DNAJC1: variants seen among roughly 807,000 people sequenced by gnomAD.
DNAJC1 encodes the protein dnaJ homolog subfamily C member 1.
Under a neutral mutation model 76.6 loss-of-function variants are expected in DNAJC1, and 58 were observed. The observed-to-expected ratio is 0.76, with a 90% CI of 0.61 to 0.94. The LOEUF (loss-of-function observed/expected upper bound fraction) is 0.94. DNAJC1 is among the 40% of genes least tolerant of loss of function. The pLI is 0.00. For missense variants in DNAJC1, 689 were observed against 677.3 expected (o/e 1.02, Z -0.19); for synonymous variants, 258 against 267.9 (o/e 0.96, Z 0.36).
intron 11 of DNAJC1, among the ~76,000 whole-genome samples, chr10:21,757,369 G>C (rs1215886110): frequency 6.6e-6 from 1 of 152,200 alleles, no homozygotes; most frequent in African/African-American, 2.4e-5. Flanking sequence ...TGATGGTGGG[G>C]AGAGGCCTCA....
chr10:21,930,958 T>C (rs1837212053), intron 1 of DNAJC1, among the ~76,000 whole-genome samples: 1 of 152,218 alleles, frequency 6.6e-6, no homozygotes, highest in African/African-American at 2.4e-5. Flanking sequence ...AATTAATACA[T>C]GTTCACTACA....
At chr10:21,786,455 TATATATATAG>T (rs1253560385) in intron 9 of DNAJC1, among the ~76,000 whole-genome samples, 188 of 56,888 alleles carry the variant, frequency 3.3e-3, no homozygotes, top group Admixed American at 6.4e-3. Flanking sequence ...TATATATATA[TATATATATAG>T]AGAGAGAGAG....
intron 8 of DNAJC1, among the ~76,000 whole-genome samples, chr10:21,854,746 C>A (rs1040588670): frequency 6.6e-6 from 1 of 152,106 alleles, no homozygotes; most frequent in South Asian, 2.1e-4. Flanking sequence ...TTATAAGATA[C>A]ACTTATAATT....
chr10:21,881,680 T>TCACTG (rs910571823), intron 8 of DNAJC1, among the ~76,000 whole-genome samples: 12 of 151,428 alleles, frequency 7.9e-5, no homozygotes, highest in African/African-American at 2.9e-4. Flanking sequence ...ACGTCAGAGG[T>TCACTG]CACTGATCAC....
intron 1 of DNAJC1, among the ~76,000 whole-genome samples, chr10:21,947,278 C>T (rs978449560): frequency 6.6e-6 from 1 of 152,108 alleles, no homozygotes; most frequent in Admixed American, 6.5e-5. Flanking sequence ...GACCCTTGAA[C>T]ACCAGGAGTT....
At chr10:21,780,020 T>A (rs536013067) in intron 9 of DNAJC1, among the ~76,000 whole-genome samples, 10 of 151,828 alleles carry the variant, frequency 6.6e-5, no homozygotes, top group Non-Finnish European at 7.4e-5. Context: ...ATGAACGAAA[T>A]GAAGTGAGAA....
At chr10:21,826,873 T>C (rs1342139018) in intron 8 of DNAJC1, among the ~76,000 whole-genome samples, 1 of 152,174 alleles carries the variant, frequency 6.6e-6, no homozygotes, top group Non-Finnish European at 1.5e-5. Flanking sequence ...TCTGTCTGTA[T>C]GTCAGTACCA....
chr10:21,908,742 C>T (rs1186019523), intron 6 of DNAJC1, among the ~76,000 whole-genome samples: 1 of 152,022 alleles, frequency 6.6e-6, no homozygotes, highest in East Asian at 1.9e-4. Flanking sequence ...CTGCCTGCCT[C>T]ATAATACTGT....
chr10:21,940,740 C>T (rs1837393017), intron 1 of DNAJC1, among the ~76,000 whole-genome samples: 1 of 152,116 alleles, frequency 6.6e-6, no homozygotes, highest in Admixed American at 6.5e-5. Context: ...CTTCAAGAGA[C>T]AGCTGCTTCT....
chr10:21,969,110 G>A (rs1837934688), intron 1 of DNAJC1, among the ~76,000 whole-genome samples: 1 of 151,548 alleles, frequency 6.6e-6, no homozygotes, highest in African/African-American at 2.4e-5. Flanking sequence ...TGTAATCCCA[G>A]CTACTCAGGA....
chr10:21,865,472 G>T (rs1361401070), intron 8 of DNAJC1: 2 of 152,044 alleles, frequency 1.3e-5, no homozygotes, highest in Non-Finnish European at 2.9e-5. Context: ...AGACAAAATA[G>T]AATTTACACT....
At chr10:21,800,633 A>G (rs543201095) in intron 9 of DNAJC1, among the ~76,000 whole-genome samples, 15 of 152,350 alleles carry the variant, frequency 9.8e-5, no homozygotes, top group African/African-American at 3.6e-4. Context: ...GCCATGAAAG[A>G]TGCTCATGTT....
chr10:21,853,787 C>CAAAAA (rs1011936425), intron 8 of DNAJC1, among the ~76,000 whole-genome samples: 11 of 12,602 alleles, frequency 8.7e-4, no homozygotes, highest in South Asian at 7.6e-3. Flanking sequence ...GACTCCATCT[C>CAAAAA]AAAAAAAAAA....
rs1835954042 is a variant in DNAJC1, at chr10:21,863,882, A to C, written c.978+18400T>G. On this transcript the variant is annotated intron_variant, in intron 8 of 11. Coordinates refer to ENST00000376980, the MANE Select transcript of DNAJC1 (RefSeq NM_022365.4). The stretch of plus-strand genomic sequence containing the variant: ...CTGCACCTAACATAATTGGTGGTAA[A>C]AGACTGAATGCTTTCAAGATCAAGA... 3.9e-5 allele frequency among the ~76,000 whole-genome samples: 6 copies of C among 152,264 alleles called. No homozygotes were observed. The South Asian group carries it at 1.2e-3, about 32-fold the overall frequency.
chr10:21,770,135 ATTCCATTTG>A (rs1834355962), intron 9 of DNAJC1, among the ~76,000 whole-genome samples: 2 of 152,064 alleles, frequency 1.3e-5, no homozygotes, highest in South Asian at 4.1e-4. Flanking sequence ...TCACAGTTCA[ATTCCATTTG>A]TTCCCTTCTC....
At chr10:21,894,603 A>G (rs1249654277) in intron 7 of DNAJC1, among the ~76,000 whole-genome samples, 1 of 152,152 alleles carries the variant, frequency 6.6e-6, no homozygotes, top group Non-Finnish European at 1.5e-5. Context: ...AGAGGAGAGA[A>G]AGCTTCCTAT....
intron 8 of DNAJC1, among the ~76,000 whole-genome samples, chr10:21,826,899 T>G (rs762740985): frequency 2.0e-5 from 3 of 152,156 alleles, no homozygotes; most frequent in Non-Finnish European, 2.9e-5. Context: ...TTTTGAGTAT[T>G]GTAGCTTTGT....
intron 9 of DNAJC1, among the ~76,000 whole-genome samples, chr10:21,799,044 T>C (rs1473158501): frequency 6.6e-6 from 1 of 152,176 alleles, no homozygotes; most frequent in Non-Finnish European, 1.5e-5. Context: ...GTGAACAACA[T>C]GCCACAGTCC....
At chr10:21,879,060 C>T (rs750155230) in intron 8 of DNAJC1, among the ~76,000 whole-genome samples, 4 of 152,094 alleles carry the variant, frequency 2.6e-5, no homozygotes, top group African/African-American at 4.8e-5. Flanking sequence ...AACTAACAAG[C>T]AGGTAAAACT....
Sources: allele counts gnomAD v4.1 joint callset (sites outside exome capture counted in the v4.1 genomes callset), GRCh38; gene constraint gnomAD v4.1.1; transcripts MANE v1.5; gene names NCBI Gene and HGNC (gene_info 2026-07-23, HGNC 2026-07-21).